The following EVPL variants were observed in gnomAD, a reference collection of about 807,000 sequenced individuals.
EVPL encodes the protein envoplakin, also known as 210 kDa cornified envelope precursor protein.
EVPL carries 94 observed loss-of-function variants against 129.7 expected under a neutral mutation model. That is an observed-to-expected ratio of 0.72 (90% CI 0.61 to 0.86). The LOEUF (loss-of-function observed/expected upper bound fraction) is 0.86, where lower values mean the gene tolerates loss of function less well. Ranked by LOEUF, EVPL falls within the 40% of genes least tolerant of loss-of-function variation. EVPL has a pLI of 0.00. For synonymous variants in EVPL, 1,172 were observed against 1,191.1 expected (o/e 0.98, Z 0.33); for missense variants, 2,625 against 2,721.1 (o/e 0.96, Z 0.79).
Position 76,007,772 on chromosome 17 carries a change from G to T in EVPL, c.5433C>A (p.Phe1811Leu). 1.2e-6 allele frequency: 2 copies of T among 1,612,692 alleles called. No homozygotes were observed. The highest frequency in any genetic ancestry group is 1.7e-6 in the Non-Finnish European group (2 of 1,178,936). Residue 1811 changes from phenylalanine (F) to leucine (L), a missense_variant, in exon 22 of 22, where the codon TTC becomes TTA. Coordinates refer to ENST00000301607, the MANE Select transcript of EVPL (RefSeq NM_001988.4). The surrounding 1 kb of genome is among the most constrained non-coding windows in gnomAD (Gnocchi z 8.8). The part of the protein sequence containing the change: ...LASPAPQSTS[F>L]FSPSFSLGLG... ...GCCCGAGAGAGAAGCTGGGAGAGAA[G>T]AAACTGGTGCTCTGGGGGGCCGGGG...
At position 76,022,649 on chromosome 17, in the gene EVPL, C is replaced by T. The variant is rs1702989991; in HGVS notation, c.481-111G>A. On this transcript the variant is annotated intron_variant, in intron 4 of 21. Transcript: ENST00000301607. This position sits in a 1 kb window ranked among gnomAD's most constrained non-coding sequence, Gnocchi z 5.6. ...CTTGGTCATTTGGGCAGAGCGTGGA[C>T]GAGCCTGGGAGCAGCCCGGGTGCAT... The T allele has an allele frequency of 2.8e-6, 4 of 1,431,788 alleles. 1 individual carries two copies. The highest frequency in any genetic ancestry group is 1.4e-5 in the African/African-American group (1 of 70,204). 88.7% of individuals were successfully genotyped at this position (1,431,788 alleles called of 1,614,324 possible).
rs920183082 is a variant in EVPL, at chr17:76,009,499, G to T, written c.3706C>A (p.Pro1236Thr). The T allele has an allele frequency of 3.1e-6, 5 of 1,613,940 alleles. No individual in the cohort carries two copies. Among genetic ancestry groups the T allele is most frequent in the African/African-American group, 1.3e-5 (1 of 74,904 alleles). The change falls in exon 22 of 22, where the codon CCC (proline) becomes ACC (threonine). Residue 1236 changes from proline (P) to threonine (T), a missense_variant. Pro to Thr is a conservative substitution (Grantham distance 38). Coordinates refer to ENST00000301607, the MANE Select transcript of EVPL (RefSeq NM_001988.4). This position sits in a 1 kb window ranked among gnomAD's most constrained non-coding sequence, Gnocchi z 5.9. ...GVEKEVEKLL[P>T]DLEVLRAQKP... ...TGGGCCCGCAGGACCTCCAGGTCGG[G>T]CAGCAGCTTCTCCACCTCCTTCTCC...
In EVPL at chr17:76,008,552, C is replaced by T; in HGVS notation, c.4653G>A (p.Gln1551=). 1 of 1,609,020 alleles carries T rather than the reference C, an allele frequency of 6.2e-7. No individual in the cohort carries two copies. ...EMLNRERTAR[Q]AREEEARRLR... ...GGCGCCGTGCCTCCTCCTCCCGGGC[C>T]TGCCGGGCCGTGCGCTCCCTGTTGA... is the stretch of plus-strand genomic sequence containing the variant. The change falls in exon 22 of 22, where the codon CAG becomes CAA. Residue 1551 remains glutamine, a synonymous_variant. Transcript: ENST00000301607. This position sits in a 1 kb window ranked among gnomAD's most constrained non-coding sequence, Gnocchi z 7.4.
Position 76,007,943 on chromosome 17 carries a change from G to A in EVPL, c.5262C>T (p.Arg1754=), listed in dbSNP as rs150481881. ...ACTCCTCCTTAGAGATGCGCCGGCA[G>A]CGGAGGGCGGCCTCGATGGAGTACT... ...GKQYSIEAAL[R]CRRISKEEYH... is the part of the protein sequence containing the mutation. The change falls in exon 22 of 22, where the codon CGC becomes CGT. Residue 1754 remains arginine, a synonymous_variant. Coordinates refer to ENST00000301607, the MANE Select transcript of EVPL (RefSeq NM_001988.4). This position sits in a 1 kb window ranked among gnomAD's most constrained non-coding sequence, Gnocchi z 8.8. 1.9e-6 allele frequency: 3 copies of A among 1,614,116 alleles called. No individual in the cohort carries two copies. The highest frequency in any genetic ancestry group is 1.7e-6 in the Non-Finnish European group (2 of 1,180,022).
intron 14 of EVPL, among the ~76,000 whole-genome samples, chr17:76,016,767 G>A (rs191076109): frequency 2.0e-5 from 3 of 152,044 alleles, no homozygotes; most frequent in Non-Finnish European, 4.4e-5. Flanking sequence ...AATTAGCTGG[G>A]CTCAGTGTTG....
At position 76,009,949 on chromosome 17, in the gene EVPL, G is replaced by C; in HGVS notation, c.3256C>G (p.Leu1086Val). ...VKEVVKVEKN[L>V]EMVKAAQALR... The stretch of plus-strand genomic sequence containing the variant: ...GCCTGGGCTGCCTTGACCATTTCCA[G>C]ATTCTTCTCCACCTTGACTACCTCT... Residue 1086 changes from leucine to valine, a missense_variant, in exon 22 of 22, where the codon CTG becomes GTG. Leu to Val is a conservative substitution (Grantham distance 32). Around this residue, in one of 4 missense-constraint regions of EVPL, gnomAD observed 1,453 missense variants for 1,511.8 expected, o/e 0.96. Coordinates refer to ENST00000301607, the MANE Select transcript of EVPL (RefSeq NM_001988.4). The surrounding 1 kb of genome is among the most constrained non-coding windows in gnomAD (Gnocchi z 5.9). 1 of 1,614,056 alleles carries C rather than the reference G, an allele frequency of 6.2e-7. No homozygotes were observed. The highest frequency in any genetic ancestry group is 8.5e-7 in the Non-Finnish European group (1 of 1,180,022).
Position 76,007,973 on chromosome 17 carries a change from C to T in EVPL, c.5232G>A (p.Gly1744=), listed in dbSNP as rs777586329. ...GGGCGGCCTCGATGGAGTACTGCTT[C>T]CCGCTCTTGCGGTCCAGGAGCACAG... ...EESVLLDRKS[G]KQYSIEAALR... Residue 1744 remains glycine, a synonymous_variant, in exon 22 of 22, where the codon GGG becomes GGA. Transcript: ENST00000301607. This position sits in a 1 kb window ranked among gnomAD's most constrained non-coding sequence, Gnocchi z 8.8. 6.2e-7 allele frequency: 1 copy of T among 1,614,112 alleles called. No individual in the cohort carries two copies. The highest frequency in any genetic ancestry group is 1.1e-5 in the South Asian group (1 of 91,082).
At chr17:76,019,225 A>G (rs2066440727) in intron 10 of EVPL, among the ~76,000 whole-genome samples, 165 bp from the exon 11 acceptor site, 1 of 152,070 alleles carries the variant, frequency 6.6e-6, no homozygotes, top group East Asian at 1.9e-4. Flanking sequence ...GGATCCTGGG[A>G]TCTGCTAGTT....
In EVPL at chr17:76,015,436, C is replaced by T. The variant is rs368105633; in HGVS notation, c.1889+14G>A. On this transcript the variant is annotated intron_variant, in intron 15 of 21. Transcript: ENST00000301607. The stretch of plus-strand genomic sequence containing the variant: ...TGCTGCCCTGCGTGGCTGCCCTGTC[C>T]CCAGAGCACTCACTTCTCCCCGTAG... 9 of 1,610,260 alleles carry T rather than the reference C, an allele frequency of 5.6e-6. No individual in the cohort carries two copies. The highest frequency in any genetic ancestry group is 1.7e-5 in the Admixed American group (1 of 59,960).
chr17:76,015,746 C>A, intron 14 of EVPL, 118 bp from the exon 15 acceptor site: 1 of 1,097,504 alleles, frequency 9.1e-7, no homozygotes, highest in East Asian at 2.6e-5. Flanking sequence ...CATGCTTGGG[C>A]TCAGGCCAGA....
At chr17:76,015,920 G>A (rs539232819) in intron 14 of EVPL, among the ~76,000 whole-genome samples, 1 of 152,188 alleles carries the variant, frequency 6.6e-6, no homozygotes, top group Admixed American at 6.5e-5. Flanking sequence ...AAGGCGGGTG[G>A]GTTGCTTGAG....
At chr17:76,020,730 C>T (rs1280190756) in intron 9 of EVPL, among the ~76,000 whole-genome samples, 3 of 151,222 alleles carry the variant, frequency 2.0e-5, no homozygotes, top group African/African-American at 7.3e-5. Context: ...AGAGATGTAT[C>T]TATTTGTATA....
rs763250522 is a variant in EVPL, at chr17:76,007,521, C to T, written c.5684G>A (p.Arg1895Lys). 6.2e-7 allele frequency: 1 copy of T among 1,613,936 alleles called. No homozygotes were observed. The highest frequency in any genetic ancestry group is 2.2e-5 in the East Asian group (1 of 44,860). Residue 1895 changes from arginine (R) to lysine (K), a missense_variant, in exon 22 of 22, where the codon AGG (arginine) becomes AAG (lysine). Arg to Lys is a conservative substitution (Grantham distance 26). This residue lies in a region of EVPL where 1,453 missense variants were observed against 1,511.8 expected (regional missense o/e 0.96). Coordinates refer to ENST00000301607, the MANE Select transcript of EVPL (RefSeq NM_001988.4). The surrounding 1 kb of genome is among the most constrained non-coding windows in gnomAD (Gnocchi z 8.8). ...GAAGGCCTTCTGGGCGTTAAGCAGC[C>T]TCTGTGTGGAGGTGTTCTCGATCAG... ...RGLIENTSTQ[R>K]LLNAQKAFTG...
Position 76,008,899 on chromosome 17 carries a change from C to T in EVPL, c.4306G>A (p.Glu1436Lys). 1.9e-6 allele frequency: 3 copies of T among 1,613,748 alleles called. No homozygotes were observed. The highest frequency in any genetic ancestry group is 2.5e-6 in the Non-Finnish European group (3 of 1,180,014). Residue 1436 changes from glutamate to lysine, a missense_variant, in exon 22 of 22, where the codon GAG (glutamate) becomes AAG (lysine). Transcript: ENST00000301607. The surrounding 1 kb of genome is among the most constrained non-coding windows in gnomAD (Gnocchi z 7.4). ...QEDRSKKLAV[E>K]RELRQLTLRI... The stretch of plus-strand genomic sequence containing the variant: ...AAGGTCAGCTGCCGCAGCTCCCTCT[C>T]CACGGCCAGCTTCTTGCTGCGGTCC...
intron 9 of EVPL, among the ~76,000 whole-genome samples, chr17:76,020,223 C>A (rs368575142): frequency 1.3e-5 from 2 of 152,234 alleles, no homozygotes; most frequent in African/African-American, 4.8e-5. Context: ...GTCACTCTCC[C>A]CTACTCTGGT....
Position 76,009,872 on chromosome 17 carries a change from CTCCTCCGCCTGCT to C in EVPL, c.3320_3332del (p.Lys1107ArgfsTer26). Reference sequence around the variant, plus strand: ...TGCGAGCCTGTAGCTTGGCCACAGCCTCCTCCGCCTGCTTCCTCCGCGCAGCATCCTCCTCCAT... The same window carrying C: ...TGCGAGCCTGTAGCTTGGCCACAGCCTCCTCCGCGCAGCATCCTCCTCCAT... On this transcript the variant is annotated frameshift_variant, in exon 22 of 22. Transcript: ENST00000301607. LOFTEE classifies it low-confidence loss of function (END_TRUNC). The surrounding 1 kb of genome is among the most constrained non-coding windows in gnomAD (Gnocchi z 5.9). 1 of 1,614,144 alleles carries C rather than the reference CTCCTCCGCCTGCT, an allele frequency of 6.2e-7. No homozygotes were observed.
Position 76,010,144 on chromosome 17 carries a change from G to C in EVPL, c.3061C>G (p.Gln1021Glu), listed in dbSNP as rs2066364801. The change falls in exon 22 of 22, where the codon CAG (glutamine) becomes GAG (glutamate). Residue 1021 changes from glutamine (Q) to glutamate (E), a missense_variant. Gln to Glu is a conservative substitution (Grantham distance 29). Coordinates refer to ENST00000301607, the MANE Select transcript of EVPL (RefSeq NM_001988.4). ...QPHLLTKEVT[Q>E]VERDPGLDSQ... Reference sequence around the variant, plus strand: ...TCCAGGCCGGGGTCCCTCTCCACCTGGGTGACCTCCTTGGTCAGCAGATGA... The same window carrying C: ...TCCAGGCCGGGGTCCCTCTCCACCTCGGTGACCTCCTTGGTCAGCAGATGA... 5 of 1,614,112 alleles carry C rather than the reference G, an allele frequency of 3.1e-6. No individual in the cohort carries two copies. Among genetic ancestry groups the C allele is most frequent in the Non-Finnish European group, 4.2e-6 (5 of 1,180,048 alleles).
Position 76,022,472 on chromosome 17 carries a change from T to C in EVPL, c.547A>G (p.Asn183Asp), listed in dbSNP as rs781347992. The C allele has an allele frequency of 6.2e-7, 1 of 1,613,606 alleles. No individual in the cohort carries two copies. Among genetic ancestry groups the C allele is most frequent in the South Asian group, 1.1e-5 (1 of 90,986 alleles). ...GCGTCGATCTCCTTCTGCAGGATGT[T>C]GTGCTCGGCGATCTGTTGCTCCAGC... The part of the protein sequence containing the change: ...AELEQQIAEH[N>D]ILQKEIDAYG... Residue 183 changes from asparagine to aspartate, a missense_variant, in exon 5 of 22, where the codon AAC (asparagine) becomes GAC (aspartate). Coordinates refer to ENST00000301607, the MANE Select transcript of EVPL (RefSeq NM_001988.4). The surrounding 1 kb of genome is among the most constrained non-coding windows in gnomAD (Gnocchi z 5.6).
rs112552792 is a variant in EVPL at position 76,008,264 on chromosome 17, G to A, written c.4941C>T (p.Arg1647=). The change falls in exon 22 of 22, where the codon CGC becomes CGT. Residue 1647 remains arginine, a synonymous_variant. Coordinates refer to ENST00000301607, the MANE Select transcript of EVPL (RefSeq NM_001988.4). This position sits in a 1 kb window ranked among gnomAD's most constrained non-coding sequence, Gnocchi z 7.4. ...CCTTCTCGTAGATCTGGTCCTTCTC[G>A]CGGAGGATGGCCGCCTCCAGCCGCG... ...ELSRLEAAIL[R]EKDQIYEKER... is the part of the protein sequence containing the mutation. 2.0e-5 allele frequency: 32 copies of A among 1,612,490 alleles called. No individual in the cohort carries two copies. The highest frequency in any genetic ancestry group is 4.5e-5 in the East Asian group (2 of 44,880).
Sources: allele counts gnomAD v4.1 joint callset (sites outside exome capture counted in the v4.1 genomes callset), GRCh38; gene constraint gnomAD v4.1.1; regional missense constraint gnomAD v4.1.1; non-coding constraint Gnocchi (gnomAD v3.1); transcripts MANE v1.5; gene names NCBI Gene and HGNC (gene_info 2026-07-23, HGNC 2026-07-21).